Variants in EHF observed in about 807,000 individuals in gnomAD.
EHF encodes the protein ESE3 transcription factor.
A neutral mutation model predicts 45.1 loss-of-function variants in EHF; 14 were observed. The ratio of observed to expected loss-of-function variants is 0.31; its 90% confidence interval spans 0.21 to 0.49. EHF has a LOEUF of 0.49. EHF is among the 20% of genes least tolerant of loss of function. The pLI is 0.99. For synonymous variants in EHF, 136 were observed against 131.8 expected (o/e 1.03, Z -0.22); for missense variants, 282 against 371.4 (o/e 0.76, Z 1.98).
At position 34,661,876 on chromosome 11, in the gene EHF, C is replaced by A. The variant is rs1450189687; in HGVS notation, c.*2945C>A. ...CTCTCTTATTAGGTTTTCATGGGAA[C>A]ATGAGGCAGCAAATCTATTGCTAAG... is the stretch of plus-strand genomic sequence containing the variant. On this transcript the variant is annotated 3_prime_UTR_variant, in exon 9 of 9. Transcript: ENST00000257831. Among the ~76,000 whole-genome samples the A allele has an allele frequency of 3.9e-5, 6 of 152,118 alleles. No individual in the cohort carries two copies. Among genetic ancestry groups the A allele is most frequent in the Admixed American group, 1.3e-4 (2 of 15,244 alleles).
At chr11:34,631,190 C>G (rs1431272116) in intron 1 of EHF, among the ~76,000 whole-genome samples, 1 of 152,068 alleles carries the variant, frequency 6.6e-6, no homozygotes. Context: ...TGCCACCATG[C>G]CTGGCTAATT....
Position 34,646,527 on chromosome 11 carries a change from C to T in EHF, c.186C>T (p.Leu62=), listed in dbSNP as rs1340438887. Residue 62 remains leucine (L), a synonymous_variant, in exon 3 of 9, where the codon CTC becomes CTT. Transcript: ENST00000257831. The part of the protein sequence containing the change: ...KYQVWEWLQH[L]LDTNQLDANC... ...AGGTGTGGGAGTGGCTCCAGCACCT[C>T]CTGGACACCAACCAGCTGGATGCCA... The T allele has an allele frequency of 1.9e-6, 3 of 1,613,928 alleles. No homozygotes were observed. Among genetic ancestry groups the T allele is most frequent in the African/African-American group, 2.7e-5 (2 of 74,914 alleles).
intron 1 of EHF, among the ~76,000 whole-genome samples, chr11:34,626,038 A>G (rs1307483130): frequency 1.3e-5 from 2 of 152,252 alleles, no homozygotes; most frequent in African/African-American, 2.4e-5. Context: ...TTAGACTAAC[A>G]GACCACCTCA....
At chr11:34,654,489 G>A (rs1402936273) in intron 6 of EHF, among the ~76,000 whole-genome samples, 3 of 152,166 alleles carry the variant, frequency 2.0e-5, no homozygotes, top group Admixed American at 1.3e-4. Flanking sequence ...GAAGAAATTA[G>A]GTTCTTCTTT....
intron 1 of EHF, among the ~76,000 whole-genome samples, chr11:34,634,181 T>C (rs1853172118): frequency 6.9e-6 from 1 of 144,932 alleles, no homozygotes; most frequent in Non-Finnish European, 1.5e-5. Flanking sequence ...GCCTTTCACA[T>C]GTACATGGAT....
chr11:34,652,863 G>A lies in EHF; in HGVS notation c.544+1058G>A, dbSNP rs185841999. 2.9e-3 allele frequency among the ~76,000 whole-genome samples: 443 copies of A among 152,308 alleles called. 2 individuals carry two copies. The highest frequency in any genetic ancestry group is 3.3e-3 in the Non-Finnish European group (223 of 68,022). On this transcript the variant is annotated intron_variant, in intron 6 of 8. Transcript: ENST00000257831. ...AGCCAATGTAAATGCTTCTGGAATT[G>A]AGATTAAGAGCTGAGGCCAGCATAG...
chr11:34,650,879 G>A (rs1855090559), intron 4 of EHF, among the ~76,000 whole-genome samples: 1 of 152,130 alleles, frequency 6.6e-6, no homozygotes, highest in Non-Finnish European at 1.5e-5. Flanking sequence ...TCTGCGATGG[G>A]GCAGTGGGGC....
In EHF at chr11:34,662,005, G is replaced by T. The variant is rs2134259333; in HGVS notation, c.*3074G>T. 6.6e-6 allele frequency among the ~76,000 whole-genome samples: 1 copy of T among 152,234 alleles called. No homozygotes were observed. Among genetic ancestry groups the T allele is most frequent in the Middle Eastern group, 3.4e-3 (1 of 294 alleles). On this transcript the variant is annotated 3_prime_UTR_variant, in exon 9 of 9. Coordinates refer to ENST00000257831, the MANE Select transcript of EHF (RefSeq NM_012153.6). Reference sequence around the variant, plus strand: ...GCATAAGCAACAGTTTCTTGAATGTGCCATCTGAGAAGGGAGACCCAGGTT... The same window carrying T: ...GCATAAGCAACAGTTTCTTGAATGTTCCATCTGAGAAGGGAGACCCAGGTT...
intron 1 of EHF, among the ~76,000 whole-genome samples, chr11:34,639,516 C>T (rs1853775741): frequency 6.6e-6 from 1 of 152,226 alleles, no homozygotes; most frequent in South Asian, 2.1e-4. Context: ...CACTCTACGC[C>T]TGAAAAACTA....
chr11:34,635,796 A>G (rs959494385), intron 1 of EHF, among the ~76,000 whole-genome samples: 1 of 145,950 alleles, frequency 6.9e-6, no homozygotes, highest in Non-Finnish European at 1.5e-5. Context: ...ATGCCTTACC[A>G]CTGTTCTTGG....
chr11:34,636,235 G>T (rs1853389391), intron 1 of EHF, among the ~76,000 whole-genome samples: 2 of 152,182 alleles, frequency 1.3e-5, no homozygotes, highest in Non-Finnish European at 2.9e-5. Context: ...TTTCATTGTT[G>T]TCTTTCGACA....
At chr11:34,634,562 C>A (rs1180416692) in intron 1 of EHF, among the ~76,000 whole-genome samples, 2 of 152,150 alleles carry the variant, frequency 1.3e-5, no homozygotes, top group African/African-American at 4.8e-5. Context: ...CTCCGTGGCC[C>A]TGGTGGTTCC....
At chr11:34,632,533 C>T in intron 1 of EHF, 1 of 1,535,358 alleles carries the variant, frequency 6.5e-7, no homozygotes, top group Non-Finnish European at 8.7e-7. Context: ...AACTCAGAAG[C>T]ATTATCCTCT....
intron 1 of EHF, chr11:34,631,475 G>A (rs371394851): frequency 1.4e-6 from 1 of 710,892 alleles, no homozygotes; most frequent in Non-Finnish European, 1.7e-6. Flanking sequence ...AGCTTATCAT[G>A]TGACATTGAC....
At chr11:34,654,855 T>C (rs879559546) in intron 6 of EHF, among the ~76,000 whole-genome samples, 1 of 152,206 alleles carries the variant, frequency 6.6e-6, no homozygotes, top group Non-Finnish European at 1.5e-5. Flanking sequence ...TGAGAGACTC[T>C]TGTATTTTTC....
chr11:34,634,853 G>A (rs528406679), intron 1 of EHF, among the ~76,000 whole-genome samples: 1 of 152,174 alleles, frequency 6.6e-6, no homozygotes, highest in Non-Finnish European at 1.5e-5. Flanking sequence ...GGGAGTCAAA[G>A]TGAGAATGAG....
chr11:34,636,969 T>C (rs1590448811), intron 1 of EHF, among the ~76,000 whole-genome samples: 1 of 138,558 alleles, frequency 7.2e-6, no homozygotes, highest in Admixed American at 8.2e-5. Context: ...GTGGAGGTTG[T>C]GGTGAGCCGA....
intron 1 of EHF, among the ~76,000 whole-genome samples, chr11:34,624,731 C>G (rs1384628246): frequency 6.6e-6 from 1 of 152,106 alleles, no homozygotes; most frequent in Non-Finnish European, 1.5e-5. Flanking sequence ...GAGTTATTTG[C>G]TAAAATGTTT....
intron 2 of EHF, among the ~76,000 whole-genome samples, chr11:34,643,096 G>GTGTT (rs1590480958): frequency 6.6e-6 from 1 of 150,784 alleles, no homozygotes; most frequent in African/African-American, 2.5e-5. Context: ...GTGTGTGTGT[G>GTGTT]TATGTGCGCG....
Sources: allele counts gnomAD v4.1 joint callset (sites outside exome capture counted in the v4.1 genomes callset), GRCh38; gene constraint gnomAD v4.1.1; transcripts MANE v1.5; gene names NCBI Gene and HGNC (gene_info 2026-07-23, HGNC 2026-07-21).